Variants in MMRN1 observed in about 807,000 individuals in gnomAD.
The protein encoded by MMRN1 is multimerin-1.
In MMRN1, 94 loss-of-function variants were observed where a neutral mutation model predicts 100.7. That is an observed-to-expected ratio of 0.93 (90% CI 0.79 to 1.11). The LOEUF (loss-of-function observed/expected upper bound fraction) is 1.11, where lower values mean the gene tolerates loss of function less well. Ranked by LOEUF, MMRN1 falls within the 50% of genes least tolerant of loss-of-function variation. The probability of loss-of-function intolerance (pLI) is 0.00; values close to 1 mark genes in which losing one functional copy is unlikely to be tolerated. For missense variants in MMRN1, 1,606 were observed against 1,439.1 expected, an observed-to-expected ratio of 1.12 and a Z score of -1.88; for synonymous variants, 575 against 505.0, an observed-to-expected ratio of 1.14 and a Z score of -1.86.
intron 5 of MMRN1, 115 bp from the exon 6 acceptor site, chr4:89,934,695 A>C: frequency 3.9e-6 from 2 of 515,938 alleles, no homozygotes; most frequent in Non-Finnish European, 6.5e-6. Context: ...TGTAGTTAAG[A>C]GGTATTTTTA....
intron 1 of MMRN1, among the ~76,000 whole-genome samples, chr4:89,907,829 GTTT>G (rs35010462): frequency 7.2e-6 from 1 of 139,350 alleles, no homozygotes; most frequent in Admixed American, 7.1e-5. Flanking sequence ...CTGTTTTTTT[GTTT>G]TTTTTTTTTC....
In MMRN1 at chr4:89,925,165, A is replaced by G. The variant is rs183338134; in HGVS notation, c.955+1893A>G. Among the ~76,000 whole-genome samples, 873 of 151,270 alleles carry G rather than the reference A, an allele frequency of 5.8e-3. 10 individuals carry two copies. Among genetic ancestry groups the G allele is most frequent in the African/African-American group, 0.02 (820 of 41,274 alleles). ...TTTATTTATTTATTTATTTTTAGAG[A>G]CAGGGTCTGCACCCAGGCAGGAGTG... On this transcript the variant is annotated intron_variant, in intron 4 of 7. Transcript: ENST00000264790.
intron 6 of MMRN1, among the ~76,000 whole-genome samples, chr4:89,940,109 C>T (rs1282548424): frequency 6.6e-6 from 1 of 152,090 alleles, no homozygotes; most frequent in Non-Finnish European, 1.5e-5. Context: ...AAACAATATT[C>T]TAATAGACAC....
chr4:89,939,028 A>AT (rs995687542), intron 6 of MMRN1, among the ~76,000 whole-genome samples: 1 of 152,074 alleles, frequency 6.6e-6, no homozygotes, highest in African/African-American at 2.4e-5. Context: ...CATAGAACAG[A>AT]TGTCAATCAT....
chr4:89,919,102 A>C (rs1722008962), intron 3 of MMRN1, among the ~76,000 whole-genome samples: 1 of 151,644 alleles, frequency 6.6e-6, no homozygotes, highest in Admixed American at 6.6e-5. Context: ...TTCCTAGATC[A>C]GAATTATTAT....
intron 6 of MMRN1, among the ~76,000 whole-genome samples, chr4:89,939,366 T>G (rs936726371): frequency 2.4e-4 from 36 of 152,156 alleles, no homozygotes; most frequent in African/African-American, 8.7e-4. Context: ...CATATAAATA[T>G]AGTGTTTTAA....
chr4:89,920,958 G>A (rs181014192), intron 3 of MMRN1, among the ~76,000 whole-genome samples: 8 of 151,714 alleles, frequency 5.3e-5, no homozygotes, highest in Admixed American at 4.6e-4. Flanking sequence ...CATCTACGAG[G>A]AAAAAAATCA....
At chr4:89,889,011 A>G (rs1720994644) in intron 1 of MMRN1, among the ~76,000 whole-genome samples, 1 of 152,138 alleles carries the variant, frequency 6.6e-6, no homozygotes, top group African/African-American at 2.4e-5. Flanking sequence ...TATGCTTAAA[A>G]GAATAATAAA....
chr4:89,907,356 C>A (rs928470196), intron 1 of MMRN1, among the ~76,000 whole-genome samples: 3 of 151,340 alleles, frequency 2.0e-5, no homozygotes, highest in African/African-American at 4.8e-5. Context: ...AATTTCTCTG[C>A]CTTAGATGAA....
chr4:89,894,722 A>G (rs753468616), upstream of MMRN1: 10,863 of 378,622 alleles, frequency 0.029, 241 homozygotes, highest in Non-Finnish European at 0.039. Context: ...ATTTACCCTT[A>G]GCTTTGTCAG....
At chr4:89,903,365 T>C (rs1466194029) in intron 1 of MMRN1, among the ~76,000 whole-genome samples, 3 of 151,796 alleles carry the variant, frequency 2.0e-5, no homozygotes, top group Non-Finnish European at 4.4e-5. Flanking sequence ...TTTTTTTTTT[T>C]TCCTGAGAGG....
intron 3 of MMRN1, among the ~76,000 whole-genome samples, chr4:89,916,094 C>A (rs1721905134): frequency 6.6e-6 from 1 of 151,712 alleles, no homozygotes; most frequent in South Asian, 2.1e-4. Flanking sequence ...ATCCTATCAG[C>A]TCTTTGCTGT....
At chr4:89,913,098 A>G (rs908794370) in intron 3 of MMRN1, among the ~76,000 whole-genome samples, 2 of 151,312 alleles carry the variant, frequency 1.3e-5, no homozygotes, top group African/African-American at 2.4e-5. Context: ...GGAATTTAGC[A>G]TATTTTAAAA....
In MMRN1 at chr4:89,935,695, T is replaced by C. The variant is rs773564572; in HGVS notation, c.2015T>C (p.Ile672Thr). 1.2e-5 allele frequency: 19 copies of C among 1,612,524 alleles called. No individual in the cohort carries two copies. Among genetic ancestry groups the C allele is most frequent in the Middle Eastern group, 1.6e-4 (1 of 6,078 alleles). ...TMTYEQPKEA[I>T]VIRKKIENLT... The stretch of plus-strand genomic sequence containing the variant: ...ACATATGAACAACCAAAGGAAGCAA[T>C]AGTGATAAGGAAAAAGATAGAAAAT... Residue 672 changes from isoleucine (I) to threonine (T), a missense_variant, in exon 6 of 8, where the codon ATA becomes ACA. Coordinates refer to ENST00000264790, the MANE Select transcript of MMRN1 (RefSeq NM_007351.3).
chr4:89,943,981 C>CA (rs543952532), intron 6 of MMRN1, among the ~76,000 whole-genome samples: 5,184 of 125,642 alleles, frequency 0.041, 252 homozygotes, highest in African/African-American at 0.12. Context: ...GACTCTGTCT[C>CA]AAAAAAAAAA....
chr4:89,906,400 C>CT (rs922284775), intron 1 of MMRN1, among the ~76,000 whole-genome samples: 4 of 151,454 alleles, frequency 2.6e-5, no homozygotes, highest in African/African-American at 9.7e-5. Flanking sequence ...TCAATACAAG[C>CT]TTTTTTTCAG....
chr4:89,894,709 C>A (rs1721131768), upstream of MMRN1: 1 of 321,932 alleles, frequency 3.1e-6, no homozygotes, highest in Non-Finnish European at 5.6e-6. Context: ...CCTGTGCTTT[C>A]CCATTTACCC....
At chr4:89,893,851 C>T (rs1721110256), upstream of MMRN1, among the ~76,000 whole-genome samples, 1 of 151,952 alleles carries the variant, frequency 6.6e-6, no homozygotes, top group African/African-American at 2.4e-5. Flanking sequence ...TCTATTTAAA[C>T]AGACTGATAT....
At chr4:89,944,587 C>CTA (rs558223558) in intron 6 of MMRN1, among the ~76,000 whole-genome samples, 1 of 151,986 alleles carries the variant, frequency 6.6e-6, no homozygotes, top group Non-Finnish European at 1.5e-5. Flanking sequence ...GATTTCACAG[C>CTA]TATATGGATG....
Sources: gnomAD v4.1 joint callset for allele counts (sites outside exome capture counted in the v4.1 genomes callset) on GRCh38, gnomAD v4.1.1 for gene constraint, MANE v1.5 for transcripts, NCBI Gene and HGNC (gene_info 2026-07-23, HGNC 2026-07-21) for gene names.